Variants in DCC observed in about 807,000 individuals in gnomAD.
DCC encodes DCC netrin 1 receptor, also known as netrin receptor DCC.
In DCC, 58 loss-of-function variants were observed where a neutral mutation model predicts 172.5. That is an observed-to-expected ratio of 0.34 (90% CI 0.27 to 0.42). The LOEUF (loss-of-function observed/expected upper bound fraction) is 0.42, where lower values mean the gene tolerates loss of function less well. DCC is among the 10% of genes least tolerant of loss of function. The pLI, the probability that DCC is intolerant of heterozygous loss-of-function variation, is 1.00. For synonymous variants in DCC, 709 were observed against 644.5 expected (o/e 1.10, Z -1.52); for missense variants, 1,740 against 1,791.0 (o/e 0.97, Z 0.51).
At position 52,482,051 on chromosome 18, in the gene DCC, G is replaced by A. The variant is rs562702075; in HGVS notation, c.91+141173G>A. Among the ~76,000 whole-genome samples, 16 of 152,042 alleles carry A rather than the reference G, an allele frequency of 1.1e-4. No homozygotes were observed. The South Asian group carries it at 2.7e-3, about 26-fold the overall frequency. ...GTCAGGGATTTCGTTTTATCAAAGA[G>A]GAGGCTTTTGCTCATTCCCCACTTT... On this transcript the variant is annotated intron_variant, in intron 1 of 28. Coordinates refer to ENST00000442544, the MANE Select transcript of DCC (RefSeq NM_005215.4).
intron 5 of DCC, among the ~76,000 whole-genome samples, chr18:52,994,690 C>A (rs2041451760): frequency 6.6e-6 from 1 of 152,102 alleles, no homozygotes. Flanking sequence ...TATTTAATAA[C>A]AAAGATACTT....
At chr18:52,966,574 A>G (rs2040934428) in intron 5 of DCC, among the ~76,000 whole-genome samples, 1 of 152,120 alleles carries the variant, frequency 6.6e-6, no homozygotes, top group Non-Finnish European at 1.5e-5. Context: ...ACAGGAGAAA[A>G]TAGATAGGAC....
intron 12 of DCC, among the ~76,000 whole-genome samples, chr18:53,240,371 G>T (rs892295805): frequency 6.6e-6 from 1 of 152,060 alleles, no homozygotes; most frequent in African/African-American, 2.4e-5. Flanking sequence ...AGAATTGTGG[G>T]ATCAACAATC....
At chr18:53,215,146 T>A (rs987514299) in intron 11 of DCC, among the ~76,000 whole-genome samples, 1 of 152,188 alleles carries the variant, frequency 6.6e-6, no homozygotes, top group Non-Finnish European at 1.5e-5. Context: ...ACAAATTTTA[T>A]CATAAAATTA....
At chr18:52,404,841 TG>T (rs1474947159) in intron 1 of DCC, among the ~76,000 whole-genome samples, 2 of 124,738 alleles carry the variant, frequency 1.6e-5, no homozygotes, top group Non-Finnish European at 3.2e-5. Context: ...GTCCCCAGAG[TG>T]TGATATTCCC....
intron 1 of DCC, among the ~76,000 whole-genome samples, chr18:52,536,254 G>A (rs1316405813): frequency 2.6e-5 from 4 of 152,102 alleles, no homozygotes; most frequent in Non-Finnish European, 4.4e-5. Flanking sequence ...TAGAGGGGAA[G>A]TGAATAGACC....
Position 52,906,051 on chromosome 18 carries a change from G to A in DCC, c.420G>A (p.Leu140=). The A allele has an allele frequency of 6.2e-7, 1 of 1,606,460 alleles. No individual in the cohort carries two copies. The highest frequency in any genetic ancestry group is 8.5e-7 in the Non-Finnish European group (1 of 1,173,006). ...TCTTTGTTTTTCTCCTAGGACCACT[G>A]AGGTTCCTTTCACAGACAGAATCTG... ...RTAKVAVAGP[L]RFLSQTESVT... The change falls in exon 3 of 29, where the codon CTG becomes CTA. Residue 140 remains leucine (L), a synonymous_variant. Coordinates refer to ENST00000442544, the MANE Select transcript of DCC (RefSeq NM_005215.4).
chr18:53,131,535 T>C (rs1201916224), intron 7 of DCC, among the ~76,000 whole-genome samples: 7 of 152,144 alleles, frequency 4.6e-5, no homozygotes, highest in Non-Finnish European at 8.8e-5. Context: ...AATGGCACTT[T>C]GATGACCTGG....
At chr18:53,265,266 A>G (rs1158328180) in intron 12 of DCC, among the ~76,000 whole-genome samples, 3 of 152,226 alleles carry the variant, frequency 2.0e-5, no homozygotes, top group South Asian at 2.1e-4. Context: ...TTTCTTAGCT[A>G]TAACCTGGCT....
At chr18:52,534,278 G>A (rs1226251029) in intron 1 of DCC, among the ~76,000 whole-genome samples, 2 of 151,946 alleles carry the variant, frequency 1.3e-5, no homozygotes, top group East Asian at 1.9e-4. Context: ...AGACTTGATG[G>A]GTAAACTGGA....
chr18:52,560,186 G>A (rs1337141898), intron 1 of DCC, among the ~76,000 whole-genome samples: 1 of 152,138 alleles, frequency 6.6e-6, no homozygotes, highest in African/African-American at 2.4e-5. Context: ...CATGATCTCT[G>A]TTGCAACTAC....
chr18:53,502,683 G>C (rs1197153918), intron 27 of DCC, among the ~76,000 whole-genome samples: 2 of 152,110 alleles, frequency 1.3e-5, no homozygotes, highest in Admixed American at 1.3e-4. Flanking sequence ...AATTAGTGAT[G>C]AATTTATCTT....
intron 5 of DCC, among the ~76,000 whole-genome samples, chr18:53,015,685 G>A (rs1039386898): frequency 4.6e-4 from 70 of 151,810 alleles, no homozygotes; most frequent in Non-Finnish European, 2.2e-4. Flanking sequence ...GCAACTCTTC[G>A]TCTACAATAG....
intron 2 of DCC, among the ~76,000 whole-genome samples, chr18:52,893,514 G>A (rs531308278): frequency 6.6e-6 from 1 of 152,230 alleles, no homozygotes; most frequent in African/African-American, 2.4e-5. Context: ...TTGTTTCAAT[G>A]ACCTTTGAAA....
At chr18:53,508,517 A>ATAACC (rs2046211842) in intron 27 of DCC, among the ~76,000 whole-genome samples, 1 of 152,218 alleles carries the variant, frequency 6.6e-6, no homozygotes, top group African/African-American at 2.4e-5. Context: ...TTAAACCACG[A>ATAACC]TAACCTAGTA....
At chr18:53,403,531 T>C (rs1193963830) in intron 19 of DCC, among the ~76,000 whole-genome samples, 3 of 152,280 alleles carry the variant, frequency 2.0e-5, no homozygotes, top group South Asian at 4.1e-4. Context: ...GTATGAAAAA[T>C]ATAATGGAGT....
intron 7 of DCC, among the ~76,000 whole-genome samples, chr18:53,125,166 T>G (rs2144300164): frequency 6.6e-6 from 1 of 152,194 alleles, no homozygotes; most frequent in African/African-American, 2.4e-5. Flanking sequence ...TTTTCTGAGA[T>G]CTGGCACATA....
chr18:52,790,200 T>C (rs2037733730), intron 2 of DCC, among the ~76,000 whole-genome samples: 1 of 152,178 alleles, frequency 6.6e-6, no homozygotes, highest in South Asian at 2.1e-4. Context: ...TGGAAGCCTG[T>C]AGCCAAGTTT....
intron 5 of DCC, among the ~76,000 whole-genome samples, chr18:53,027,955 A>T (rs1407339909): frequency 6.6e-6 from 1 of 152,172 alleles, no homozygotes; most frequent in East Asian, 1.9e-4. Flanking sequence ...GCAGGTTAGC[A>T]TGAATAAAGA....
Sources: gnomAD v4.1 joint callset for allele counts (sites outside exome capture counted in the v4.1 genomes callset) on GRCh38, gnomAD v4.1.1 for gene constraint, MANE v1.5 for transcripts, NCBI Gene and HGNC (gene_info 2026-07-23, HGNC 2026-07-21) for gene names.